Variants in SYNE1 observed in about 807,000 individuals in gnomAD.
The protein encoded by SYNE1 is spectrin repeat containing nuclear envelope protein 1.
Under a neutral mutation model 1,111.0 loss-of-function variants are expected in SYNE1, and 616 were observed. The observed-to-expected ratio is 0.55, with a 90% CI of 0.52 to 0.59. The LOEUF is 0.59. Ranked by LOEUF, SYNE1 falls within the 20% of genes least tolerant of loss-of-function variation. The pLI is 0.00. For missense variants in SYNE1, 10,006 were observed against 10,417.0 expected (o/e 0.96, Z 1.72); for synonymous variants, 3,855 against 3,825.8 (o/e 1.01, Z -0.28).
intron 49 of SYNE1, 148 bp from the exon 50 acceptor site, chr6:152,397,128 C>G: frequency 1.3e-6 from 1 of 773,272 alleles, no homozygotes; most frequent in Non-Finnish European, 2.2e-6. Context: ...TTGGGCACAA[C>G]CAAGGCTCCT....
intron 49 of SYNE1, among the ~76,000 whole-genome samples, chr6:152,397,814 T>C (rs954155927): frequency 6.6e-6 from 1 of 151,268 alleles, no homozygotes; most frequent in South Asian, 2.1e-4. Context: ...CAGCCTGGCC[T>C]ACATGGTGAA....
intron 86 of SYNE1, 130 bp downstream of exon 86, chr6:152,317,951 G>T: frequency 8.2e-7 from 1 of 1,219,724 alleles, no homozygotes; most frequent in Non-Finnish European, 1.2e-6. Context: ...CATGAAATAA[G>T]CTACACCTAA....
chr6:152,462,231 G>GT (rs200925306), intron 20 of SYNE1, among the ~76,000 whole-genome samples: 53 of 151,352 alleles, frequency 3.5e-4, no homozygotes, highest in African/African-American at 1.1e-3. Flanking sequence ...ACATCATTAA[G>GT]TTTTTTTTTC....
chr6:152,239,718 C>G lies in SYNE1; in HGVS notation c.19894-12G>C. ...CCCTGAAAGTATTCCTGCAATTTTT[C>G]AGGAAGAAAGAAGTCAGCAACTCAT... is the stretch of plus-strand genomic sequence containing the variant. On this transcript the variant is annotated splice_polypyrimidine_tract_variant and intron_variant, in intron 107 of 145. Coordinates refer to ENST00000367255, the MANE Select transcript of SYNE1 (RefSeq NM_182961.4). The G allele has an allele frequency of 6.2e-7, 1 of 1,614,000 alleles. No individual in the cohort carries two copies. Among genetic ancestry groups the G allele is most frequent in the Non-Finnish European group, 8.5e-7 (1 of 1,179,994 alleles).
chr6:152,554,772 C>G (rs528823716), intron 3 of SYNE1, among the ~76,000 whole-genome samples: 3 of 152,066 alleles, frequency 2.0e-5, no homozygotes, highest in African/African-American at 7.2e-5. Flanking sequence ...TACCATTTTT[C>G]CAGTTCTTAA....
chr6:152,550,231 A>G (rs1451006448), intron 3 of SYNE1, among the ~76,000 whole-genome samples: 2 of 151,824 alleles, frequency 1.3e-5, no homozygotes, highest in Non-Finnish European at 2.9e-5. Flanking sequence ...GTCTGAAATT[A>G]TGTCATTCAA....
chr6:152,409,537 A>G, intron 43 of SYNE1, 22 bp downstream of exon 43: 1 of 1,612,524 alleles, frequency 6.2e-7, no homozygotes, highest in Non-Finnish European at 8.5e-7. Flanking sequence ...GAATACCAAC[A>G]TAAACACATT....
In SYNE1 at chr6:152,132,044, C is replaced by T. The variant is rs573452308; in HGVS notation, c.26094+78G>A. On this transcript the variant is annotated intron_variant, in intron 144 of 145. Transcript: ENST00000367255. ...CTGGAGGGGACGCCTGCCTGTGAACCCTGTGGTGGGTGCAAATACTGTCAC... is the reference window on the plus strand; with the variant it reads ...CTGGAGGGGACGCCTGCCTGTGAACTCTGTGGTGGGTGCAAATACTGTCAC... The T allele has an allele frequency of 1.9e-3, 2,561 of 1,367,508 alleles. 3 individuals are homozygous for T. Among genetic ancestry groups the T allele is most frequent in the Non-Finnish European group, 2.3e-3 (2,236 of 957,218 alleles). 84.7% of individuals were successfully genotyped at this position (1,367,508 alleles called of 1,614,324 possible). A position where few individuals can be genotyped will look rare whatever the true frequency, so the allele number is the denominator to read the frequency against.
chr6:152,259,127 C>A (rs1347878972), intron 101 of SYNE1, among the ~76,000 whole-genome samples: 1 of 152,154 alleles, frequency 6.6e-6, no homozygotes, highest in Non-Finnish European at 1.5e-5. Flanking sequence ...CAAGCCCATT[C>A]CCCATTGCAG....
chr6:152,281,133 C>A (rs1230175738), intron 97 of SYNE1, among the ~76,000 whole-genome samples: 1 of 152,086 alleles, frequency 6.6e-6, no homozygotes, highest in South Asian at 2.1e-4. Flanking sequence ...CACCCATGTG[C>A]GAAGTCAAAT....
chr6:152,282,167 T>C, intron 96 of SYNE1, 187 bp from the exon 97 acceptor site: 1 of 633,926 alleles, frequency 1.6e-6, no homozygotes, highest in South Asian at 1.9e-5. Context: ...GTCTCAAAAT[T>C]GGTATTTTTA....
intron 133 of SYNE1, among the ~76,000 whole-genome samples, chr6:152,154,445 T>TACACACACACACACAC (rs56398921): frequency 2.1e-5 from 3 of 143,176 alleles, no homozygotes; most frequent in African/African-American, 7.7e-5. Context: ...TTTTATCAAA[T>TACACACACACACACAC]ACACACACAC....
chr6:152,492,189 A>G (rs2098974213), intron 11 of SYNE1, among the ~76,000 whole-genome samples: 1 of 152,204 alleles, frequency 6.6e-6, no homozygotes, highest in Non-Finnish European at 1.5e-5. Flanking sequence ...AGGGGCCAGA[A>G]GGCCGTCCTA....
chr6:152,636,737 G>A lies in SYNE1; in HGVS notation c.-323C>T, dbSNP rs1002305047. The A allele has an allele frequency of 6.6e-6, 1 of 152,258 alleles. No individual in the cohort carries two copies. Among genetic ancestry groups the A allele is most frequent in the African/African-American group, 2.4e-5 (1 of 41,444 alleles). 9.4% of individuals were successfully genotyped at this position (152,258 alleles called of 1,614,324 possible). A position where few individuals can be genotyped will look rare whatever the true frequency, so the allele number is the denominator to read the frequency against. On this transcript the variant is annotated 5_prime_UTR_variant, in exon 2 of 146. Transcript: ENST00000367255. ...CCAGGCTCGGCGGGACCCCGGGGATGCGCGGCTGTCCGCCCGCCCTGTCGC... is the reference window on the plus strand; with the variant it reads ...CCAGGCTCGGCGGGACCCCGGGGATACGCGGCTGTCCGCCCGCCCTGTCGC...
At position 152,352,260 on chromosome 6, in the gene SYNE1, C is replaced by T; in HGVS notation, c.11347G>A (p.Ala3783Thr). 1 of 1,614,170 alleles carries T rather than the reference C, an allele frequency of 6.2e-7. No individual in the cohort carries two copies. The highest frequency in any genetic ancestry group is 8.5e-7 in the Non-Finnish European group (1 of 1,180,020). The change falls in exon 70 of 146, where the codon GCA (alanine) becomes ACA (threonine). Residue 3783 changes from alanine to threonine, a missense_variant. By Grantham distance (58) the Ala-to-Thr change is moderately conservative. This residue lies in a region of SYNE1 where 4,955 missense variants were observed against 5,017.2 expected (regional missense o/e 0.99). Transcript: ENST00000367255. ...TGAATCTCCTTTCTTAACCTCTCTG[C>T]CTCGCCTTCCTCCAAGTATTTAACA... ...RAVKYLEEGE[A>T]ERLRKEIHDH...
chr6:152,397,934 G>C (rs2097760901), intron 49 of SYNE1, among the ~76,000 whole-genome samples: 1 of 151,632 alleles, frequency 6.6e-6, no homozygotes, highest in Admixed American at 6.6e-5. Flanking sequence ...CCAGGAGGTG[G>C]AGGTTGCAGT....
At chr6:152,140,757 G>C (rs549701312) in intron 139 of SYNE1, among the ~76,000 whole-genome samples, 185 of 152,290 alleles carry the variant, frequency 1.2e-3, no homozygotes, top group Non-Finnish European at 2.0e-3. Context: ...CTGTTGGCCA[G>C]GTGTGGTGGC....
chr6:152,342,003 C>G (rs75273119), intron 74 of SYNE1, among the ~76,000 whole-genome samples: 1 of 152,114 alleles, frequency 6.6e-6, no homozygotes, highest in African/African-American at 2.4e-5. Context: ...AAAAAGGGAA[C>G]AAAATAAAAA....
intron 74 of SYNE1, among the ~76,000 whole-genome samples, chr6:152,343,032 G>C (rs2096563259): frequency 6.6e-6 from 1 of 151,950 alleles, no homozygotes; most frequent in Non-Finnish European, 1.5e-5. Flanking sequence ...TGTCACTTTT[G>C]ATAGTAGGAA....
Sources: gnomAD v4.1 joint callset for allele counts (sites outside exome capture counted in the v4.1 genomes callset) on GRCh38, gnomAD v4.1.1 for gene constraint, gnomAD v4.1.1 regional missense constraint, MANE v1.5 for transcripts, NCBI Gene and HGNC (gene_info 2026-07-23, HGNC 2026-07-21) for gene names.